Variants in KIAA1671 observed in about 807,000 individuals in gnomAD.
KIAA1671 encodes uncharacterized protein KIAA1671.
Under a neutral mutation model 131.2 loss-of-function variants are expected in KIAA1671, and 52 were observed. The observed-to-expected ratio is 0.40, with a 90% CI of 0.32 to 0.50. KIAA1671 has a LOEUF of 0.50. Ranked by LOEUF, KIAA1671 falls within the 20% of genes least tolerant of loss-of-function variation. The probability of loss-of-function intolerance (pLI) is 0.73; values close to 1 mark genes in which losing one functional copy is unlikely to be tolerated. For missense variants in KIAA1671, 2,360 were observed against 2,364.2 expected, an observed-to-expected ratio of 1.00 and a Z score of 0.04; for synonymous variants, 1,003 against 961.6, an observed-to-expected ratio of 1.04 and a Z score of -0.80.
chr22:25,086,500 G>C (rs1929726812), intron 6 of KIAA1671, among the ~76,000 whole-genome samples: 1 of 152,192 alleles, frequency 6.6e-6, no homozygotes, highest in African/African-American at 2.4e-5. Flanking sequence ...TTTTCCCTCA[G>C]ATCCTAATGC....
chr22:24,953,818 TC>T (rs1475191812), intron 1 of KIAA1671, among the ~76,000 whole-genome samples: 2 of 152,242 alleles, frequency 1.3e-5, no homozygotes, highest in East Asian at 3.9e-4. Flanking sequence ...GACTGAACTT[TC>T]TCTAGCCAGG....
chr22:25,092,020 A>G (rs898154726), intron 6 of KIAA1671, among the ~76,000 whole-genome samples: 1 of 152,154 alleles, frequency 6.6e-6, no homozygotes, highest in Non-Finnish European at 1.5e-5. Flanking sequence ...CCACTCAACA[A>G]ATACGTATTG....
chr22:25,110,672 A>G (rs1931283726), intron 6 of KIAA1671, among the ~76,000 whole-genome samples: 1 of 152,224 alleles, frequency 6.6e-6, no homozygotes. Context: ...CTCCAGGCAG[A>G]GGACAGAAAA....
At chr22:25,048,423 G>T (rs2145818712) in intron 5 of KIAA1671, among the ~76,000 whole-genome samples, 1 of 152,306 alleles carries the variant, frequency 6.6e-6, no homozygotes, top group East Asian at 1.9e-4. Context: ...AAAGAGCCAG[G>T]GGGTTAGGAG....
At chr22:25,062,811 G>A (rs1456247240) in intron 6 of KIAA1671, 2 of 49,112 alleles carry the variant, frequency 4.1e-5, no homozygotes, top group African/African-American at 2.0e-4. Flanking sequence ...CCTCCCAACC[G>A]GCACCCACCC....
At position 25,040,057 on chromosome 22, in the gene KIAA1671, G is replaced by A. The variant is rs1340708453; in HGVS notation, c.2927G>A (p.Arg976Gln). The A allele has an allele frequency of 8.4e-6, 13 of 1,551,662 alleles. No individual in the cohort carries two copies. The highest frequency in any genetic ancestry group is 1.7e-4 in the Middle Eastern group (1 of 5,992). ...GACTCTCCACATGTGGGGCACAGAC[G>A]AACAGATTATGTGAGCCCCACAGCC... ...PEDSPHVGHR[R>Q]TDYVSPTASA... Residue 976 changes from arginine to glutamine, a missense_variant, in exon 5 of 13, where the codon CGA becomes CAA. Physicochemically the swap from Arg to Gln is conservative, Grantham distance 43 (BLOSUM62 1). Coordinates refer to ENST00000358431, the MANE Select transcript of KIAA1671 (RefSeq NM_001145206.2).
At chr22:25,130,720 G>A (rs1281579764) in intron 6 of KIAA1671, among the ~76,000 whole-genome samples, 1 of 152,128 alleles carries the variant, frequency 6.6e-6, no homozygotes, top group African/African-American at 2.4e-5. Flanking sequence ...TGCCTTTCCC[G>A]GCACCTGCAG....
intron 6 of KIAA1671, among the ~76,000 whole-genome samples, chr22:25,126,678 C>T (rs1932199968): frequency 6.6e-6 from 1 of 152,044 alleles, no homozygotes; most frequent in Admixed American, 6.5e-5. Context: ...AGCCAAGGCC[C>T]AGAGAGGGAG....
chr22:25,040,222 C>T lies in KIAA1671; in HGVS notation c.3092C>T (p.Thr1031Ile). 3.9e-6 allele frequency: 6 copies of T among 1,551,720 alleles called. No homozygotes were observed. The highest frequency in any genetic ancestry group is 2.4e-5 in the East Asian group (1 of 40,922). ...CCCAAGGCGACATTTTTTGCAGTCA[C>T]CTATCAGATTCCCAATACTCAAAAG... is the stretch of plus-strand genomic sequence containing the variant. ...VEPKATFFAVTYQIPNTQKAK... is the reference protein window; with the variant it reads ...VEPKATFFAVIYQIPNTQKAK... The change falls in exon 5 of 13, where the codon ACC becomes ATC. Residue 1031 changes from threonine to isoleucine, a missense_variant. Coordinates refer to ENST00000358431, the MANE Select transcript of KIAA1671 (RefSeq NM_001145206.2).
intron 6 of KIAA1671, among the ~76,000 whole-genome samples, chr22:25,096,045 T>C (rs1032183540): frequency 1.3e-5 from 2 of 152,166 alleles, no homozygotes; most frequent in African/African-American, 4.8e-5. Context: ...CAGATGGTAG[T>C]TGGGGAGCTA....
In KIAA1671 at chr22:25,109,203, G is replaced by A. The variant is rs988637175; in HGVS notation, c.4530+59839G>A. ...CAGCTCACTGCAACCTCTGCCTCTC[G>A]GGTTCAAGCGATTCTCCTGCCTCAG... On this transcript the variant is annotated intron_variant, in intron 6 of 12. Transcript: ENST00000358431. 1.1e-4 allele frequency among the ~76,000 whole-genome samples: 16 copies of A among 151,832 alleles called. No individual in the cohort carries two copies. In the East Asian group the frequency reaches 2.1e-3, roughly 20 times the overall value.
chr22:25,164,242 T>C (rs1933560903), intron 6 of KIAA1671, among the ~76,000 whole-genome samples: 1 of 152,194 alleles, frequency 6.6e-6, no homozygotes, highest in South Asian at 2.1e-4. Context: ...GAAGGAGCAC[T>C]GGGAAAGGAG....
chr22:25,028,796 A>G lies in KIAA1671; in HGVS notation c.797A>G (p.Lys266Arg), dbSNP rs1926106888. The part of the protein sequence containing the change: ...PGPGAAATVG[K>R]VPPTPPEKTW... Reference sequence around the variant, plus strand: ...CCCGGCGCAGCGGCCACAGTGGGCAAAGTGCCACCCACCCCTCCCGAGAAG... The same window carrying G: ...CCCGGCGCAGCGGCCACAGTGGGCAGAGTGCCACCCACCCCTCCCGAGAAG... The change falls in exon 3 of 13, where the codon AAA becomes AGA. Residue 266 changes from lysine to arginine, a missense_variant. Lys to Arg is a conservative substitution (Grantham distance 26, BLOSUM62 2). This residue lies in a region of KIAA1671 where 1,185 missense variants were observed against 1,126.2 expected (regional missense o/e 1.05). Transcript: ENST00000358431. The G allele has an allele frequency of 1.4e-5, 22 of 1,551,294 alleles. No individual in the cohort carries two copies. The highest frequency in any genetic ancestry group is 1.8e-5 in the Non-Finnish European group (21 of 1,147,006).
Position 25,072,742 on chromosome 22 carries a change from C to T in KIAA1671, c.4530+23378C>T, listed in dbSNP as rs713961. On this transcript the variant is annotated intron_variant, in intron 6 of 12. Coordinates refer to ENST00000358431, the MANE Select transcript of KIAA1671 (RefSeq NM_001145206.2). Reference sequence around the variant, plus strand: ...GCCCCGCTGCCTTCCTGATTTGCTTCTTGGGGCAATTCCTTTGAATTCTCT... The same window carrying T: ...GCCCCGCTGCCTTCCTGATTTGCTTTTTGGGGCAATTCCTTTGAATTCTCT... 2.5e-3 allele frequency among the ~76,000 whole-genome samples: 380 copies of T among 152,046 alleles called. 1 individual carries two copies. The highest frequency in any genetic ancestry group is 8.7e-3 in the African/African-American group (360 of 41,474).
At chr22:25,124,329 C>G (rs1932082216) in intron 6 of KIAA1671, among the ~76,000 whole-genome samples, 1 of 152,228 alleles carries the variant, frequency 6.6e-6, no homozygotes, top group South Asian at 2.1e-4. Context: ...TCAGATTGCC[C>G]TGCTCCCTTG....
chr22:25,040,339 C>T lies in KIAA1671; in HGVS notation c.3209C>T (p.Thr1070Ile). 1 of 1,551,792 alleles carries T rather than the reference C, an allele frequency of 6.4e-7. No homozygotes were observed. The highest frequency in any genetic ancestry group is 1.2e-5 in the South Asian group (1 of 84,052). ...PPSSPHSLTS[T>I]LVSLGHEEAL... ...TCGTCTCCTCATTCTTTAACATCCA[C>T]TTTGGTTTCTCTTGGTCATGAAGAG... Residue 1070 changes from threonine (T) to isoleucine (I), a missense_variant, in exon 5 of 13, where the codon ACT becomes ATT. Physicochemically the swap from Thr to Ile is moderately conservative, Grantham distance 89. Coordinates refer to ENST00000358431, the MANE Select transcript of KIAA1671 (RefSeq NM_001145206.2).
At chr22:25,045,871 G>A (rs952368718) in intron 5 of KIAA1671, among the ~76,000 whole-genome samples, 3 of 152,124 alleles carry the variant, frequency 2.0e-5, no homozygotes, top group Non-Finnish European at 4.4e-5. Context: ...AATTACAGGC[G>A]TGAGCCACTG....
At chr22:25,002,562 T>C (rs1026679480) in intron 1 of KIAA1671, among the ~76,000 whole-genome samples, 4 of 152,144 alleles carry the variant, frequency 2.6e-5, no homozygotes, top group African/African-American at 9.7e-5. Flanking sequence ...AAACCAAGCC[T>C]TTAGCCAGAA....
intron 1 of KIAA1671, among the ~76,000 whole-genome samples, chr22:25,003,400 A>ATTTTTTTT (rs71191013): frequency 2.0e-4 from 23 of 113,846 alleles, no homozygotes; most frequent in African/African-American, 9.7e-4. Context: ...ACTTGGAGAG[A>ATTTTTTTT]TTTTTTTTTT....
Sources: gnomAD v4.1 joint callset for allele counts (sites outside exome capture counted in the v4.1 genomes callset) on GRCh38, gnomAD v4.1.1 for gene constraint, gnomAD v4.1.1 regional missense constraint, MANE v1.5 for transcripts, NCBI Gene and HGNC (gene_info 2026-07-23, HGNC 2026-07-21) for gene names.